The following PHEX variants were observed in gnomAD, a reference collection of about 807,000 sequenced individuals.
PHEX encodes the protein phosphate regulating endopeptidase X-linked.
Under a neutral mutation model 68.0 loss-of-function variants are expected in PHEX, and 16 were observed. The observed-to-expected ratio is 0.24, with a 90% CI of 0.16 to 0.36. The LOEUF (loss-of-function observed/expected upper bound fraction) is 0.36. Ranked by LOEUF, PHEX falls within the 10% of genes least tolerant of loss-of-function variation. The pLI is 1.00. For missense variants in PHEX, 480 were observed against 575.5 expected (o/e 0.83, Z 1.70); for synonymous variants, 208 against 205.1 (o/e 1.01, Z -0.12).
At chrX:22,060,322 T>C (rs1382199228) in intron 3 of PHEX, among the ~76,000 whole-genome samples, 1 of 111,386 alleles carries the variant, frequency 9.0e-6, no homozygotes, top group East Asian at 2.8e-4. Context: ...ACAGGGGCTG[T>C]TGATTGAACT....
chrX:22,099,411 A>G (rs764279130), intron 9 of PHEX: 1 of 353,700 alleles, frequency 2.8e-6, no homozygotes, highest in South Asian at 4.4e-5. Context: ...TAAATTGTTT[A>G]TGAGCTTGGG....
intron 9 of PHEX, among the ~76,000 whole-genome samples, chrX:22,104,797 G>A (rs1317440507): frequency 1.8e-5 from 2 of 111,338 alleles, no homozygotes; most frequent in African/African-American, 6.5e-5. Context: ...GCATCAGGAG[G>A]AGCTGACGTG....
intron 13 of PHEX, among the ~76,000 whole-genome samples, chrX:22,175,369 T>C (rs1933665295): frequency 9.1e-6 from 1 of 109,539 alleles, no homozygotes; most frequent in Non-Finnish European, 1.9e-5. Flanking sequence ...TTTTAATTTT[T>C]AGGCAGAGTC....
chrX:22,042,316 A>T (rs1006611007), intron 2 of PHEX, among the ~76,000 whole-genome samples: 2 of 111,898 alleles, frequency 1.8e-5, no homozygotes, highest in Non-Finnish European at 3.8e-5. Context: ...AGGAAAGGGC[A>T]TGCATGCTCA....
chrX:22,058,554 T>TA (rs1928220809), intron 3 of PHEX, among the ~76,000 whole-genome samples: 1 of 111,751 alleles, frequency 8.9e-6, no homozygotes. Flanking sequence ...AGGCTGGAGA[T>TA]AAAAAACAGC....
At chrX:22,077,334 C>T in intron 4 of PHEX, 142 bp from the exon 5 acceptor site, 2 of 548,593 alleles carry the variant, frequency 3.6e-6, no homozygotes, top group Non-Finnish European at 6.5e-6. Context: ...CATCCCACCC[C>T]ACCTCTTTTA....
intron 20 of PHEX, 82 bp downstream of exon 20, chrX:22,227,693 A>G: frequency 3.1e-6 from 2 of 635,056 alleles, no homozygotes; most frequent in Non-Finnish European, 5.3e-6. Flanking sequence ...ATTTCAAACA[A>G]AAGTTTAATG....
At chrX:22,138,801 C>G (rs763780096) in intron 12 of PHEX, among the ~76,000 whole-genome samples, 1 of 112,277 alleles carries the variant, frequency 8.9e-6, no homozygotes, top group Non-Finnish European at 1.9e-5. Flanking sequence ...AGTCACCCTG[C>G]GTCTGGCATC....
rs370527485 is a variant in PHEX, at chrX:22,092,749, C to CTTTTTTTTTTT, written c.733-1226_733-1216dup. Among the ~76,000 whole-genome samples, 62 of 77,905 alleles carry CTTTTTTTTTTT rather than the reference C, an allele frequency of 8.0e-4. 2 individuals carry two copies. Among genetic ancestry groups the CTTTTTTTTTTT allele is most frequent in the African/African-American group, 2.4e-3 (44 of 18,002 alleles). The allele number at this position is 77,905 out of a possible 115,157, so 67.7% of individuals were successfully genotyped here. On this transcript the variant is annotated intron_variant, in intron 6 of 21. Transcript: ENST00000379374. Reference sequence around the variant, plus strand: ...AAGACTTCTTTTCTTTTCTTTCTTTCTTTTTTTTTTTTTTTTTTGAGATGG... The same window carrying CTTTTTTTTTTT: ...AAGACTTCTTTTCTTTTCTTTCTTTCTTTTTTTTTTTTTTTTTTTTTTTTTTTTTGAGATGG...
chrX:22,190,945 T>C (rs185529294), intron 15 of PHEX, among the ~76,000 whole-genome samples: 3 of 112,006 alleles, frequency 2.7e-5, no homozygotes, highest in African/African-American at 9.7e-5. Flanking sequence ...GCTAGGAAGT[T>C]ATGTCTTGAG....
In PHEX at chrX:22,049,238, G is replaced by A. The variant is rs780979167; in HGVS notation, c.349+2027G>A. ...AGCGATTCTCCTGCCTCAGCCTCCC[G>A]AGTAGCTGGGATTACAGGCACTTGC... On this transcript the variant is annotated intron_variant, in intron 3 of 21. Transcript: ENST00000379374. Among the ~76,000 whole-genome samples the A allele has an allele frequency of 4.4e-3, 484 of 110,231 alleles. 2 individuals are homozygous for A. The highest frequency in any genetic ancestry group is 0.015 in the African/African-American group (451 of 30,317).
chrX:22,155,247 C>G (rs753548318), intron 12 of PHEX, among the ~76,000 whole-genome samples: 1 of 112,769 alleles, frequency 8.9e-6, no homozygotes, highest in African/African-American at 3.2e-5. Context: ...CCAAAGTTAT[C>G]TCATTTGATC....
At chrX:22,041,287 A>G (rs1356673649) in intron 2 of PHEX, among the ~76,000 whole-genome samples, 1 of 97,435 alleles carries the variant, frequency 1.0e-5, no homozygotes, top group Non-Finnish European at 2.0e-5. Context: ...ATATATATAT[A>G]TATATATATA....
At chrX:22,113,943 C>CTTTT (rs746349559) in intron 10 of PHEX, among the ~76,000 whole-genome samples, 49 of 63,974 alleles carry the variant, frequency 7.7e-4, no homozygotes, top group Non-Finnish European at 1.0e-3. Flanking sequence ...TCTTCTTCTT[C>CTTTT]TTTTTTTTTT....
chrX:22,116,343 A>G (rs1286407213), intron 11 of PHEX, among the ~76,000 whole-genome samples: 2 of 112,007 alleles, frequency 1.8e-5, no homozygotes, highest in African/African-American at 6.5e-5. Flanking sequence ...AATTAGAAAC[A>G]TGGATTTGGC....
chrX:22,145,535 G>C, intron 12 of PHEX, among the ~76,000 whole-genome samples: 1 of 108,426 alleles, frequency 9.2e-6, no homozygotes, highest in South Asian at 4.0e-4. Flanking sequence ...AGAATTGCTC[G>C]AATCCAGGAG....
At chrX:22,202,188 T>G (rs1345385569) in intron 15 of PHEX, among the ~76,000 whole-genome samples, 1 of 112,307 alleles carries the variant, frequency 8.9e-6, no homozygotes, top group Non-Finnish European at 1.9e-5. Context: ...CACTGAACAT[T>G]GTAACATGAA....
chrX:22,142,788 G>A lies in PHEX; in HGVS notation c.1404+9164G>A, dbSNP rs1932524937. Reference sequence around the variant, plus strand: ...TCCCTTTTGCCTGCAAGGAGACCTTGAGATATTTAGCAATGCGTTGATATC... The same window carrying A: ...TCCCTTTTGCCTGCAAGGAGACCTTAAGATATTTAGCAATGCGTTGATATC... On this transcript the variant is annotated intron_variant, in intron 12 of 21. Coordinates refer to ENST00000379374, the MANE Select transcript of PHEX (RefSeq NM_000444.6). 2.7e-5 allele frequency among the ~76,000 whole-genome samples: 3 copies of A among 112,574 alleles called. No individual in the cohort carries two copies. The South Asian group carries it at 1.1e-3, about 41-fold the overall frequency.
intron 5 of PHEX, among the ~76,000 whole-genome samples, chrX:22,085,015 T>A (rs978651898): frequency 3.6e-5 from 4 of 111,082 alleles, no homozygotes; most frequent in Non-Finnish European, 7.5e-5. Flanking sequence ...ATTATCTCTG[T>A]CTACTAATTT....
Sources: allele counts gnomAD v4.1 joint callset (sites outside exome capture counted in the v4.1 genomes callset), GRCh38; gene constraint gnomAD v4.1.1; transcripts MANE v1.5; gene names NCBI Gene and HGNC (gene_info 2026-07-23, HGNC 2026-07-21).